The following DAB1 variants were observed in gnomAD, a reference collection of about 807,000 sequenced individuals.
DAB1 encodes the protein DAB adaptor protein 1.
DAB1 carries 15 observed loss-of-function variants against 64.6 expected under a neutral mutation model. That is an observed-to-expected ratio of 0.23 (90% CI 0.16 to 0.36). DAB1 has a LOEUF of 0.36. Among genes scored for constraint, DAB1 ranks in the 10% least tolerant of loss-of-function variants. The probability of loss-of-function intolerance (pLI) is 1.00; values close to 1 mark genes in which losing one functional copy is unlikely to be tolerated. For synonymous variants in DAB1, 235 were observed against 251.9 expected (o/e 0.93, Z 0.64); for missense variants, 596 against 706.7 (o/e 0.84, Z 1.78).
chr1:57,657,081 C>A (rs1349401208), intron 6 of DAB1, among the ~76,000 whole-genome samples: 1 of 152,172 alleles, frequency 6.6e-6, no homozygotes, highest in Non-Finnish European at 1.5e-5. Context: ...GGCTTAGAAC[C>A]CCAGCATCTC....
chr1:57,965,398 C>G (rs1645639739), intron 5 of DAB1, among the ~76,000 whole-genome samples: 1 of 152,114 alleles, frequency 6.6e-6, no homozygotes, highest in Admixed American at 6.5e-5. Context: ...AGGGGTATCA[C>G]TTTGGGTGAT....
At chr1:58,444,601 G>T (rs189855417) in intron 3 of DAB1, among the ~76,000 whole-genome samples, 1 of 152,350 alleles carries the variant, frequency 6.6e-6, no homozygotes, top group Non-Finnish European at 1.5e-5. Context: ...CTGCAAGGAA[G>T]ATGAAAAATT....
intron 3 of DAB1, among the ~76,000 whole-genome samples, chr1:58,429,796 T>C (rs1644852233): frequency 3.3e-5 from 5 of 152,190 alleles, no homozygotes; most frequent in Admixed American, 3.3e-4. Flanking sequence ...AATATAGTAA[T>C]GATGACTGTC....
chr1:58,213,716 A>G (rs914639252), intron 4 of DAB1, among the ~76,000 whole-genome samples: 5 of 152,168 alleles, frequency 3.3e-5, no homozygotes, highest in South Asian at 2.1e-4. Context: ...GTTTGGACAA[A>G]GCCAACTTCC....
chr1:57,875,095 G>C (rs1644020854), intron 1 of DAB1: 1 of 152,216 alleles, frequency 6.6e-6, no homozygotes, highest in African/African-American at 2.4e-5. Context: ...ACTAAGCACT[G>C]AAGATAATCC....
intron 1 of DAB1, among the ~76,000 whole-genome samples, chr1:57,324,391 T>A (rs1010795186): frequency 6.6e-6 from 1 of 152,196 alleles, no homozygotes; most frequent in African/African-American, 2.4e-5. Flanking sequence ...GAATTATTCA[T>A]CAGTAGTAAA....
intron 9 of DAB1, among the ~76,000 whole-genome samples, chr1:57,034,235 G>A (rs891766037): frequency 2.1e-5 from 3 of 140,936 alleles, no homozygotes; most frequent in Admixed American, 1.5e-4. Context: ...AGCCGAGATC[G>A]TGCCACTGCA....
chr1:57,545,593 A>C (rs1644847597), intron 7 of DAB1, among the ~76,000 whole-genome samples: 1 of 152,214 alleles, frequency 6.6e-6, no homozygotes, highest in Non-Finnish European at 1.5e-5. Context: ...CTGTCACACT[A>C]TCATGTATGA....
intron 2 of DAB1, among the ~76,000 whole-genome samples, chr1:57,272,410 T>G (rs1671084416): frequency 2.0e-5 from 3 of 152,124 alleles, no homozygotes; most frequent in Non-Finnish European, 2.9e-5. Context: ...CTCACAAACT[T>G]TAGAGTCCCA....
chr1:57,953,769 C>T (rs1645327195), intron 5 of DAB1, among the ~76,000 whole-genome samples: 1 of 152,066 alleles, frequency 6.6e-6, no homozygotes, highest in South Asian at 2.1e-4. Context: ...AAAGGTTAGC[C>T]CCTCCCTATT....
chr1:57,107,084 A>T, intron 4 of DAB1, among the ~76,000 whole-genome samples: 1 of 152,126 alleles, frequency 6.6e-6, no homozygotes, highest in Admixed American at 6.5e-5. Context: ...ATTAAAAAAA[A>T]TCAACCCAGG....
At chr1:58,379,423 T>C (rs1644367793) in intron 3 of DAB1, among the ~76,000 whole-genome samples, 1 of 152,216 alleles carries the variant, frequency 6.6e-6, no homozygotes, top group South Asian at 2.1e-4. Flanking sequence ...TAGCCATGGA[T>C]TACAACCCAT....
At chr1:57,807,634 A>G (rs1482533546) in intron 6 of DAB1, among the ~76,000 whole-genome samples, 1 of 152,158 alleles carries the variant, frequency 6.6e-6, no homozygotes, top group African/African-American at 2.4e-5. Flanking sequence ...CCTTTGAACC[A>G]CATAAATTCA....
At chr1:57,931,582 G>T (rs1202764) in intron 5 of DAB1, among the ~76,000 whole-genome samples, 87,073 of 151,968 alleles carry the variant, frequency 0.57, 25,493 homozygotes, top group African/African-American at 0.67. Context: ...TTTGGCAAAT[G>T]GTGTCTGTCA....
At chr1:58,237,663 C>T (rs894644254) in intron 4 of DAB1, among the ~76,000 whole-genome samples, 2 of 152,134 alleles carry the variant, frequency 1.3e-5, no homozygotes, top group Admixed American at 1.3e-4. Flanking sequence ...CTCACACTGT[C>T]ACTGAAATGC....
intron 4 of DAB1, among the ~76,000 whole-genome samples, chr1:58,203,679 T>A (rs868419349): frequency 6.6e-6 from 1 of 152,182 alleles, no homozygotes; most frequent in Non-Finnish European, 1.5e-5. Context: ...CTGGTGGTGC[T>A]GATGCTGCAG....
At chr1:57,539,051 G>A (rs373720575) in intron 7 of DAB1, among the ~76,000 whole-genome samples, 36 of 152,284 alleles carry the variant, frequency 2.4e-4, no homozygotes, top group African/African-American at 7.5e-4. Flanking sequence ...CTTCTCTTAC[G>A]TTGCTCCCTC....
intron 5 of DAB1, among the ~76,000 whole-genome samples, chr1:57,943,282 G>T (rs946043790): frequency 3.3e-5 from 5 of 152,200 alleles, no homozygotes; most frequent in Admixed American, 6.5e-5. Context: ...AACATATAAT[G>T]CAAGAGTAAA....
chr1:57,686,169 A>C (rs1421814329), intron 6 of DAB1, among the ~76,000 whole-genome samples: 3 of 152,166 alleles, frequency 2.0e-5, no homozygotes, highest in Non-Finnish European at 4.4e-5. Flanking sequence ...TAGATTAACA[A>C]AAAAAGGAAG....
Sources: allele counts gnomAD v4.1 joint callset (sites outside exome capture counted in the v4.1 genomes callset), GRCh38; gene constraint gnomAD v4.1.1; transcripts MANE v1.5; gene names NCBI Gene and HGNC (gene_info 2026-07-23, HGNC 2026-07-21).